Variants in PDGFD observed in about 807,000 individuals in gnomAD.
PDGFD encodes the protein platelet derived growth factor D, also known as platelet-derived growth factor D.
In PDGFD, 30 loss-of-function variants were observed where a neutral mutation model predicts 44.7. The ratio of observed to expected loss-of-function variants is 0.67; its 90% CI spans 0.50 to 0.91. The LOEUF is 0.91. Among genes scored for constraint, PDGFD ranks in the 40% least tolerant of loss-of-function variants. The pLI is 0.00. For missense variants in PDGFD, 445 were observed against 457.8 expected (o/e 0.97, Z 0.25); for synonymous variants, 173 against 168.4 (o/e 1.03, Z -0.21).
At position 104,064,656 on chromosome 11, in the gene PDGFD, A is replaced by G. The variant is rs1172559272; in HGVS notation, c.125-64401T>C. Reference sequence around the variant, plus strand: ...TGAAAAGGAGGAAGGAAGGGAGACCAAAGAAGAAGAGGGCACATCACTCTA... The same window carrying G: ...TGAAAAGGAGGAAGGAAGGGAGACCGAAGAAGAAGAGGGCACATCACTCTA... On this transcript the variant is annotated intron_variant, in intron 1 of 6. Transcript: ENST00000393158. Among the ~76,000 whole-genome samples, 4 of 152,182 alleles carry G rather than the reference A, an allele frequency of 2.6e-5. 1 individual carries two copies. The highest frequency in any genetic ancestry group is 1.3e-4 in the Admixed American group (2 of 15,278).
chr11:103,982,276 G>C (rs1859282624), intron 3 of PDGFD, among the ~76,000 whole-genome samples: 1 of 151,454 alleles, frequency 6.6e-6, no homozygotes, highest in Admixed American at 6.6e-5. Context: ...AGATTTTTTT[G>C]CTTTTACTCC....
At chr11:103,981,011 C>G (rs1273313848) in intron 3 of PDGFD, among the ~76,000 whole-genome samples, 1 of 151,920 alleles carries the variant, frequency 6.6e-6, no homozygotes, top group Admixed American at 6.6e-5. Context: ...GATTCTAACC[C>G]TCTGCTATGT....
At chr11:103,991,228 T>C (rs1376828939) in intron 3 of PDGFD, among the ~76,000 whole-genome samples, 1 of 152,182 alleles carries the variant, frequency 6.6e-6, no homozygotes, top group Admixed American at 6.6e-5. Context: ...TACCAACTGG[T>C]AAATTTTAGG....
intron 3 of PDGFD, among the ~76,000 whole-genome samples, chr11:103,984,712 T>TA (rs1205250992): frequency 6.7e-6 from 1 of 150,170 alleles, no homozygotes; most frequent in African/African-American, 2.5e-5. Flanking sequence ...AATGTTGATT[T>TA]AAAAAAACAG....
chr11:104,022,697 TTA>T (rs1345143260), intron 1 of PDGFD, among the ~76,000 whole-genome samples: 1 of 151,702 alleles, frequency 6.6e-6, no homozygotes, highest in Non-Finnish European at 1.5e-5. Flanking sequence ...TTAGAAAATA[TTA>T]TATATGTATA....
At chr11:104,025,900 T>G (rs1289118499) in intron 1 of PDGFD, among the ~76,000 whole-genome samples, 2 of 152,194 alleles carry the variant, frequency 1.3e-5, no homozygotes, top group African/African-American at 4.8e-5. Flanking sequence ...CTGCTGTCCT[T>G]ATTTTGACCT....
At chr11:103,982,797 G>A (rs1859292189) in intron 3 of PDGFD, among the ~76,000 whole-genome samples, 1 of 151,638 alleles carries the variant, frequency 6.6e-6, no homozygotes, top group Non-Finnish European at 1.5e-5. Flanking sequence ...GCCAAATCAG[G>A]AACAAATTCC....
At chr11:104,108,291 T>G (rs1202606205) in intron 1 of PDGFD, among the ~76,000 whole-genome samples, 1 of 152,084 alleles carries the variant, frequency 6.6e-6, no homozygotes, top group Non-Finnish European at 1.5e-5. Context: ...GAAAACATTT[T>G]TGCAATCTAC....
chr11:104,085,004 A>G (rs926994651), intron 1 of PDGFD, among the ~76,000 whole-genome samples: 5 of 150,178 alleles, frequency 3.3e-5, no homozygotes, highest in Non-Finnish European at 5.9e-5. Flanking sequence ...ACTTCCCCCA[A>G]TGATAATATC....
At position 104,000,214 on chromosome 11, in the gene PDGFD, T is replaced by C. The variant is rs1411096649; in HGVS notation, c.166A>G (p.Ile56Val). The C allele has an allele frequency of 1.9e-6, 3 of 1,613,950 alleles. No homozygotes were observed. The African/African-American group carries it at 4.0e-5, about 22-fold the overall frequency. Residue 56 changes from isoleucine (I) to valine (V), a missense_variant, in exon 2 of 7, where the codon ATC becomes GTC. Coordinates refer to ENST00000393158, the MANE Select transcript of PDGFD (RefSeq NM_025208.5). ...ACGTAGCCGTTTCCTTTCACCTGGA[T>C]GGTCTCATCTCTTCGGTACAAGTCT... The part of the protein sequence containing the change: ...LTDLYRRDET[I>V]QVKGNGYVQS...
At chr11:103,975,773 T>G (rs1025669653) in intron 3 of PDGFD, among the ~76,000 whole-genome samples, 6 of 152,210 alleles carry the variant, frequency 3.9e-5, no homozygotes, top group Non-Finnish European at 7.3e-5. Flanking sequence ...ATTGCTTGTT[T>G]TTGTCAGGTT....
chr11:104,032,900 G>C (rs566435235), intron 1 of PDGFD, among the ~76,000 whole-genome samples: 1 of 152,042 alleles, frequency 6.6e-6, no homozygotes, highest in African/African-American at 2.4e-5. Context: ...AGGGAGAAAA[G>C]TAAGGGAGTA....
intron 1 of PDGFD, among the ~76,000 whole-genome samples, chr11:104,079,898 C>T (rs1448876357): frequency 6.6e-6 from 1 of 152,124 alleles, no homozygotes; most frequent in Non-Finnish European, 1.5e-5. Context: ...TATAAACTTA[C>T]ATTTCTGAGC....
chr11:104,144,531 C>CAAAAAAAAAAAA (rs1565347733), intron 1 of PDGFD, among the ~76,000 whole-genome samples: 1 of 96,562 alleles, frequency 1.0e-5, no homozygotes, highest in African/African-American at 5.0e-5. Flanking sequence ...AAAAAAAACC[C>CAAAAAAAAAAAA]AACAAAACAA....
chr11:104,008,345 C>G (rs1000008990), intron 1 of PDGFD, among the ~76,000 whole-genome samples: 2 of 152,054 alleles, frequency 1.3e-5, no homozygotes, highest in African/African-American at 4.8e-5. Flanking sequence ...GGTAAGTGGT[C>G]AAACACTTTT....
intron 1 of PDGFD, among the ~76,000 whole-genome samples, chr11:104,014,696 T>A (rs1476773046): frequency 6.6e-6 from 1 of 152,172 alleles, no homozygotes; most frequent in East Asian, 1.9e-4. Context: ...TGAAGCCAAA[T>A]AGGCATCTTC....
intron 1 of PDGFD, among the ~76,000 whole-genome samples, chr11:104,152,167 C>T (rs184468980): frequency 6.6e-6 from 1 of 152,186 alleles, no homozygotes; most frequent in East Asian, 1.9e-4. Context: ...AAGTAGTAAA[C>T]TAAAGAATAA....
chr11:104,118,942 T>C (rs1200691489), intron 1 of PDGFD, among the ~76,000 whole-genome samples: 1 of 83,330 alleles, frequency 1.2e-5, no homozygotes, highest in African/African-American at 5.5e-5. Flanking sequence ...TAATATATAT[T>C]ATAATAATAT....
At chr11:104,113,420 T>C (rs1861589719) in intron 1 of PDGFD, among the ~76,000 whole-genome samples, 1 of 151,966 alleles carries the variant, frequency 6.6e-6, no homozygotes, top group South Asian at 2.1e-4. Flanking sequence ...TAACTCAGAA[T>C]AGGAGGGTGG....
Sources: gnomAD v4.1 joint callset for allele counts (sites outside exome capture counted in the v4.1 genomes callset) on GRCh38, gnomAD v4.1.1 for gene constraint, MANE v1.5 for transcripts, NCBI Gene and HGNC (gene_info 2026-07-23, HGNC 2026-07-21) for gene names.